CMSS1: variants seen among roughly 807,000 people sequenced by gnomAD.
CMSS1 encodes cms1 ribosomal small subunit homolog.
Under a neutral mutation model 43.5 loss-of-function variants are expected in CMSS1, and 33 were observed. That is an observed-to-expected ratio of 0.76 (90% CI 0.57 to 1.01). CMSS1 has a LOEUF of 1.01. Ranked by LOEUF, CMSS1 falls within the 50% of genes least tolerant of loss-of-function variation. CMSS1 has a pLI of 0.00. For synonymous variants in CMSS1, 115 were observed against 117.2 expected, an observed-to-expected ratio of 0.98 and a Z score of 0.12; for missense variants, 313 against 326.4, an observed-to-expected ratio of 0.96 and a Z score of 0.32.
chr3:99,857,831 A>C (rs1407179583), intron 1 of CMSS1, among the ~76,000 whole-genome samples: 3 of 152,202 alleles, frequency 2.0e-5, no homozygotes, highest in Admixed American at 6.5e-5. Flanking sequence ...CACTATGTTC[A>C]CTATGTAAAT....
In CMSS1 at chr3:100,122,973, G is replaced by A. The variant is rs1269447483; in HGVS notation, c.65-24000G>A. Among the ~76,000 whole-genome samples the A allele has an allele frequency of 4.2e-4, 64 of 152,124 alleles. 1 individual carries two copies. The highest frequency in any genetic ancestry group is 1.6e-4 in the Non-Finnish European group (11 of 68,028). On this transcript the variant is annotated intron_variant, in intron 1 of 9. Transcript: ENST00000421999. The stretch of plus-strand genomic sequence containing the variant: ...TCTATTCAACAGTTATTTATTACAT[G>A]TCCACTATGTCCAGGCATATCTTGA...
intron 1 of CMSS1, among the ~76,000 whole-genome samples, chr3:99,865,140 G>A (rs1944450762): frequency 6.6e-6 from 1 of 152,158 alleles, no homozygotes; most frequent in Non-Finnish European, 1.5e-5. Context: ...ACAGCTAGTT[G>A]AACAATTTTT....
chr3:99,938,615 T>G (rs1366033559), intron 1 of CMSS1, among the ~76,000 whole-genome samples: 2 of 152,202 alleles, frequency 1.3e-5, no homozygotes, highest in African/African-American at 4.8e-5. Context: ...AAGATTTAGT[T>G]CCCTGAAAGA....
rs115331917 is a variant in CMSS1, at chr3:99,858,664, A to T, written c.64+40621A>T. On this transcript the variant is annotated intron_variant, in intron 1 of 9. Transcript: ENST00000421999. Reference sequence around the variant, plus strand: ...TCCTCAGATCTGTTTCACACATTCCATTAGCTGTCAGAGAAATCATCACAC... The same window carrying T: ...TCCTCAGATCTGTTTCACACATTCCTTTAGCTGTCAGAGAAATCATCACAC... 4.5e-3 allele frequency among the ~76,000 whole-genome samples: 679 copies of T among 152,330 alleles called. 6 individuals are homozygous for T. The highest frequency in any genetic ancestry group is 0.016 in the African/African-American group (665 of 41,572).
chr3:99,928,879 G>A (rs1707381163), intron 1 of CMSS1, among the ~76,000 whole-genome samples: 1 of 152,112 alleles, frequency 6.6e-6, no homozygotes, highest in African/African-American at 2.4e-5. Context: ...ACAGACTTTG[G>A]GTGGTCTCAT....
At chr3:100,036,578 T>C (rs1283989818) in intron 1 of CMSS1, among the ~76,000 whole-genome samples, 1 of 152,222 alleles carries the variant, frequency 6.6e-6, no homozygotes, top group African/African-American at 2.4e-5. Context: ...GAATGCCTAC[T>C]AATAAATGTA....
chr3:99,960,152 A>G (rs188340171), intron 1 of CMSS1, among the ~76,000 whole-genome samples: 1 of 152,290 alleles, frequency 6.6e-6, no homozygotes. Context: ...CAACCTGCCA[A>G]GTACCGGAGA....
rs1427971086 is a variant in CMSS1, at chr3:99,924,328, C to G, written c.64+106285C>G. On this transcript the variant is annotated intron_variant, in intron 1 of 9. Transcript: ENST00000421999. Reference sequence around the variant, plus strand: ...CTTCCTCCAACTCCAATATGGTTTGCCTACGGGATTTTTCTGCCACTAAAA... The same window carrying G: ...CTTCCTCCAACTCCAATATGGTTTGGCTACGGGATTTTTCTGCCACTAAAA... 4.3e-6 allele frequency: 7 copies of G among 1,613,890 alleles called. No homozygotes were observed. The Admixed American group carries it at 8.3e-5, about 19-fold the overall frequency.
chr3:100,181,301 A>T lies in CMSS1; in HGVS notation c.*2913A>T, dbSNP rs940641106. The T allele has an allele frequency of 6.6e-6, 1 of 152,326 alleles. No homozygotes were observed. The highest frequency in any genetic ancestry group is 1.9e-4 in the East Asian group (1 of 5,194). 9.4% of individuals were successfully genotyped at this position (152,326 alleles called of 1,614,324 possible). The stretch of plus-strand genomic sequence containing the variant: ...ACAGCTGTCTTATTAACTTTTTTTT[A>T]AAAACTTTCTATTTTGAAACTTCAG... On this transcript the variant is annotated 3_prime_UTR_variant, in exon 10 of 10. Transcript: ENST00000421999.
chr3:100,102,327 A>G (rs1011012546), intron 1 of CMSS1, among the ~76,000 whole-genome samples: 2 of 152,076 alleles, frequency 1.3e-5, no homozygotes, highest in African/African-American at 2.4e-5. Flanking sequence ...CTGGTATGAG[A>G]TGGTATCTCA....
intron 1 of CMSS1, among the ~76,000 whole-genome samples, chr3:100,068,350 CTGTGTG>C (rs62958661): frequency 0.023 from 3,358 of 149,222 alleles, 44 homozygotes; most frequent in Non-Finnish European, 0.027. Context: ...GAAAGAGCCT[CTGTGTG>C]TGTGTGTGTG....
At chr3:99,907,585 A>G (rs1330807352) in intron 1 of CMSS1, among the ~76,000 whole-genome samples, 1 of 152,164 alleles carries the variant, frequency 6.6e-6, no homozygotes, top group African/African-American at 2.4e-5. Context: ...TTTGCTGAAC[A>G]TAACATTGCA....
At chr3:99,883,432 G>T (rs1184031330) in intron 1 of CMSS1, among the ~76,000 whole-genome samples, 2 of 152,122 alleles carry the variant, frequency 1.3e-5, no homozygotes, top group Non-Finnish European at 2.9e-5. Flanking sequence ...CAAAAGGTTG[G>T]TGCTTAGAAT....
chr3:99,861,411 G>A (rs1190645442), intron 1 of CMSS1, among the ~76,000 whole-genome samples: 1 of 152,184 alleles, frequency 6.6e-6, no homozygotes, highest in African/African-American at 2.4e-5. Context: ...GTGTATTCCT[G>A]AAAGTGCCTC....
Position 99,850,428 on chromosome 3 carries a change from C to G in CMSS1, c.64+32385C>G, listed in dbSNP as rs985031788. On this transcript the variant is annotated intron_variant, in intron 1 of 9. Coordinates refer to ENST00000421999, the MANE Select transcript of CMSS1 (RefSeq NM_032359.4). ...TAATTCTTTTACTGAGTTTTTCAAC[C>G]TCTAGTTTAAAGTCTTTACTCTGTA... is the stretch of plus-strand genomic sequence containing the variant. 2.5e-6 allele frequency: 4 copies of G among 1,613,798 alleles called. No individual in the cohort carries two copies. In the African/African-American group the frequency reaches 5.3e-5, roughly 22 times the overall value.
At chr3:100,139,567 A>ATATATATG (rs1559769097) in intron 1 of CMSS1, among the ~76,000 whole-genome samples, 2 of 124,698 alleles carry the variant, frequency 1.6e-5, no homozygotes, top group Non-Finnish European at 1.7e-5. Context: ...GTGTGTGTGT[A>ATATATATG]TGTATATATA....
intron 1 of CMSS1, among the ~76,000 whole-genome samples, chr3:99,828,411 A>ATTTTTT (rs3037708): frequency 7.2e-6 from 1 of 139,542 alleles, no homozygotes; most frequent in Non-Finnish European, 1.5e-5. Flanking sequence ...ACATACGTGT[A>ATTTTTT]TTTTTTTTTT....
chr3:99,905,223 A>G (rs1326336741), intron 1 of CMSS1, among the ~76,000 whole-genome samples: 3 of 152,190 alleles, frequency 2.0e-5, no homozygotes, highest in African/African-American at 2.4e-5. Flanking sequence ...TGGGACTATC[A>G]TCTACTACTG....
intron 1 of CMSS1, among the ~76,000 whole-genome samples, chr3:99,912,763 A>G (rs1706832749): frequency 6.6e-6 from 1 of 152,178 alleles, no homozygotes; most frequent in Admixed American, 6.5e-5. Flanking sequence ...GTTGATGGAC[A>G]TTTGGGTTGT....
Sources: allele counts gnomAD v4.1 joint callset (sites outside exome capture counted in the v4.1 genomes callset), GRCh38; gene constraint gnomAD v4.1.1; transcripts MANE v1.5; gene names NCBI Gene and HGNC (gene_info 2026-07-23, HGNC 2026-07-21).